PRR5L: variants seen among roughly 807,000 people sequenced by gnomAD.
PRR5L encodes the protein proline-rich protein 5-like.
Under a neutral mutation model 36.4 loss-of-function variants are expected in PRR5L, and 21 were observed. The observed-to-expected ratio is 0.58, with a 90% CI of 0.41 to 0.83. The LOEUF (loss-of-function observed/expected upper bound fraction) is 0.83, where lower values mean the gene tolerates loss of function less well. PRR5L is among the 40% of genes least tolerant of loss of function. PRR5L has a pLI of 0.00. For synonymous variants in PRR5L, 188 were observed against 197.0 expected (o/e 0.95, Z 0.38); for missense variants, 381 against 473.3 (o/e 0.80, Z 1.81).
At chr11:36,322,555 T>A (rs1171450328) in intron 1 of PRR5L, among the ~76,000 whole-genome samples, 3 of 152,206 alleles carry the variant, frequency 2.0e-5, no homozygotes, top group Non-Finnish European at 4.4e-5. Context: ...TATTTGACAG[T>A]CAAATCATTG....
At chr11:36,324,783 TCTATATTCCCA>T (rs1231038523) in intron 1 of PRR5L, among the ~76,000 whole-genome samples, 1 of 152,160 alleles carries the variant, frequency 6.6e-6, no homozygotes, top group East Asian at 1.9e-4. Flanking sequence ...AAATAAGTCA[TCTATATTCCCA>T]CTATTTAGAG....
rs368442055 is a variant in PRR5L, at chr11:36,417,276, A to AG, written c.246-1977dup. Reference sequence around the variant, plus strand: ...TCACCTATGGTTTTGAGACTTCCCAAGGATGACGAAGACTTTGTTAGGAGG... The same window carrying AG: ...TCACCTATGGTTTTGAGACTTCCCAAGGGATGACGAAGACTTTGTTAGGAGG... On this transcript the variant is annotated intron_variant, in intron 3 of 8. Coordinates refer to ENST00000530639, the MANE Select transcript of PRR5L (RefSeq NM_001160167.2). 3.0e-3 allele frequency among the ~76,000 whole-genome samples: 456 copies of AG among 152,304 alleles called. 2 individuals carry two copies. The highest frequency in any genetic ancestry group is 1.0e-2 in the African/African-American group (415 of 41,566).
intron 1 of PRR5L, among the ~76,000 whole-genome samples, chr11:36,328,873 T>C (rs1856691137): frequency 6.6e-6 from 1 of 152,198 alleles, no homozygotes; most frequent in Non-Finnish European, 1.5e-5. Flanking sequence ...TCCCTAGAAA[T>C]GTCACAGATA....
At chr11:36,446,177 C>A in intron 6 of PRR5L, 123 bp from the exon 7 acceptor site, 4 of 1,045,658 alleles carry the variant, frequency 3.8e-6, no homozygotes, top group Non-Finnish European at 5.5e-6. Context: ...ACACACTGGC[C>A]CTTGCAGACG....
intron 1 of PRR5L, among the ~76,000 whole-genome samples, chr11:36,324,370 A>T (rs1251714820): frequency 6.6e-6 from 1 of 152,198 alleles, no homozygotes; most frequent in Non-Finnish European, 1.5e-5. Flanking sequence ...ATGTCAAAAT[A>T]GTGGTTAATT....
At chr11:36,298,463 G>A (rs948881657) in intron 1 of PRR5L, among the ~76,000 whole-genome samples, 1 of 152,114 alleles carries the variant, frequency 6.6e-6, no homozygotes, top group African/African-American at 2.4e-5. Context: ...CAGATCATCA[G>A]GCATTAGATT....
At chr11:36,371,890 C>T (rs946627591) in intron 1 of PRR5L, among the ~76,000 whole-genome samples, 1 of 151,918 alleles carries the variant, frequency 6.6e-6, no homozygotes, top group African/African-American at 2.4e-5. Context: ...GAAATCCCGT[C>T]TCTACTAAAA....
chr11:36,453,651 C>A (rs1858988425), intron 8 of PRR5L, among the ~76,000 whole-genome samples: 1 of 152,088 alleles, frequency 6.6e-6, no homozygotes, highest in Non-Finnish European at 1.5e-5. Context: ...CCAACCCATC[C>A]CTGCCCTCCA....
At chr11:36,332,401 G>A (rs758916852) in intron 1 of PRR5L, among the ~76,000 whole-genome samples, 3 of 152,274 alleles carry the variant, frequency 2.0e-5, no homozygotes, top group East Asian at 1.9e-4. Context: ...CAAAGAGAGC[G>A]GTAGTTGGGA....
At chr11:36,396,541 T>C (rs898536635) in intron 1 of PRR5L, among the ~76,000 whole-genome samples, 4 of 152,242 alleles carry the variant, frequency 2.6e-5, no homozygotes, top group African/African-American at 7.2e-5. Context: ...ACTGCTATCA[T>C]GGCTTGGCAA....
At chr11:36,372,643 G>A (rs141757456) in intron 1 of PRR5L, among the ~76,000 whole-genome samples, 1 of 152,246 alleles carries the variant, frequency 6.6e-6, no homozygotes, top group African/African-American at 2.4e-5. Flanking sequence ...AGAGAAGCAG[G>A]GAGTGGCTGG....
At chr11:36,398,248 T>C (rs974755510) in intron 1 of PRR5L, among the ~76,000 whole-genome samples, 1 of 152,234 alleles carries the variant, frequency 6.6e-6, no homozygotes, top group Non-Finnish European at 1.5e-5. Flanking sequence ...GATGTGTTTC[T>C]TTGCTTCTTT....
intron 7 of PRR5L, 66 bp from the exon 8 acceptor site, chr11:36,451,142 GA>G: frequency 6.3e-7 from 1 of 1,579,590 alleles, no homozygotes; most frequent in Non-Finnish European, 8.6e-7. Context: ...AGGATTTGTT[GA>G]GTGAGAACCT....
rs528470619 is a variant in PRR5L at position 36,352,380 on chromosome 11, C to T, written c.-125-48617C>T. Among the ~76,000 whole-genome samples the T allele has an allele frequency of 1.2e-4, 19 of 152,268 alleles. No individual in the cohort carries two copies. In the South Asian group the frequency reaches 2.9e-3, roughly 23 times the overall value. Reference sequence around the variant, plus strand: ...TGTTTAGATTGTGAAGATTTTCTCCCACTCTGTGGGTTGTCTGTTTACTCT... The same window carrying T: ...TGTTTAGATTGTGAAGATTTTCTCCTACTCTGTGGGTTGTCTGTTTACTCT... On this transcript the variant is annotated intron_variant, in intron 1 of 8. Transcript: ENST00000530639.
intron 8 of PRR5L, among the ~76,000 whole-genome samples, chr11:36,459,009 C>T (rs1859122755): frequency 6.6e-6 from 1 of 152,184 alleles, no homozygotes; most frequent in Non-Finnish European, 1.5e-5. Flanking sequence ...GAGGTGTGCT[C>T]TGGCAGAAAA....
rs149927791 is a variant in PRR5L, at chr11:36,403,368, G to A, written c.235G>A (p.Glu79Lys). ...AAGCAACGAGCTCTATGCCCTGAAC[G>A]AAAACATCAGGTATGTGGCAGGCCA... The part of the protein sequence containing the change: ...LQSNELYALN[E>K]NIRRLLKSEL... The change falls in exon 3 of 9, where the codon GAA becomes AAA. Residue 79 changes from glutamate (E) to lysine (K), a missense_variant. By Grantham distance (56) the Glu-to-Lys change is moderately conservative. Coordinates refer to ENST00000530639, the MANE Select transcript of PRR5L (RefSeq NM_001160167.2). The A allele has an allele frequency of 9.9e-6, 16 of 1,613,624 alleles. No homozygotes were observed. Among genetic ancestry groups the A allele is most frequent in the East Asian group, 2.2e-5 (1 of 44,890 alleles).
chr11:36,344,811 C>T lies in PRR5L; in HGVS notation c.-126+48373C>T, dbSNP rs989949753. On this transcript the variant is annotated intron_variant, in intron 1 of 8. Transcript: ENST00000530639. This position sits in a 1 kb window ranked among gnomAD's most constrained non-coding sequence, Gnocchi z 4.1. Reference sequence around the variant, plus strand: ...CAGCCATCAGGTTTAATTAGTGCTACTTTTCTGACCAGTAAGGAAGGGGCA... The same window carrying T: ...CAGCCATCAGGTTTAATTAGTGCTATTTTTCTGACCAGTAAGGAAGGGGCA... 6.6e-6 allele frequency among the ~76,000 whole-genome samples: 1 copy of T among 152,168 alleles called. No individual in the cohort carries two copies. Among genetic ancestry groups the T allele is most frequent in the Non-Finnish European group, 1.5e-5 (1 of 68,028 alleles).
chr11:36,401,360 C>T, intron 2 of PRR5L, 75 bp downstream of exon 2: 1 of 1,413,734 alleles, frequency 7.1e-7, no homozygotes, highest in Non-Finnish European at 9.7e-7. Flanking sequence ...CGGGGGCTGA[C>T]TGAGCTTCTG....
At chr11:36,376,524 G>A (rs1251570015) in intron 1 of PRR5L, 2 of 1,028,268 alleles carry the variant, frequency 1.9e-6, no homozygotes, top group Non-Finnish European at 2.3e-6. Flanking sequence ...AGGGAGGGAC[G>A]GAGGGAGGGA....
Sources: gnomAD v4.1 joint callset for allele counts (sites outside exome capture counted in the v4.1 genomes callset) on GRCh38, gnomAD v4.1.1 for gene constraint, Gnocchi (gnomAD v3.1) non-coding constraint, MANE v1.5 for transcripts, NCBI Gene and HGNC (gene_info 2026-07-23, HGNC 2026-07-21) for gene names.